The following KMT2E variants were observed in gnomAD, a reference collection of about 807,000 sequenced individuals.
The protein encoded by KMT2E is histone reader KMT2E.
In KMT2E, 30 loss-of-function variants were observed where a neutral mutation model predicts 184.6. The observed-to-expected ratio is 0.16, with a 90% confidence interval of 0.12 to 0.22. KMT2E has a LOEUF of 0.22. Ranked by LOEUF, KMT2E falls within the 10% of genes least tolerant of loss-of-function variation. The probability of loss-of-function intolerance (pLI) is 1.00; values close to 1 mark genes in which losing one functional copy is unlikely to be tolerated. For synonymous variants in KMT2E, 815 were observed against 776.5 expected (o/e 1.05, Z -0.82); for missense variants, 2,023 against 2,237.4 (o/e 0.90, Z 1.93).
intron 1 of KMT2E, among the ~76,000 whole-genome samples, chr7:105,033,247 T>C (rs890325646): frequency 2.0e-5 from 3 of 152,252 alleles, no homozygotes; most frequent in East Asian, 3.8e-4. Context: ...TAATATTTCA[T>C]GTGTAGGCAA....
intron 13 of KMT2E, among the ~76,000 whole-genome samples, chr7:105,085,206 G>A (rs1475088137): frequency 1.3e-5 from 2 of 152,108 alleles, no homozygotes; most frequent in South Asian, 2.1e-4. Context: ...TCAGCAGTAT[G>A]GAAACTTGTT....
chr7:105,101,303 A>G (rs901519504), intron 15 of KMT2E, 122 bp from the exon 16 acceptor site: 12 of 596,790 alleles, frequency 2.0e-5, no homozygotes, highest in Non-Finnish European at 5.3e-6. Flanking sequence ...TCCACCAATA[A>G]TAGAAGTAGT....
intron 1 of KMT2E, among the ~76,000 whole-genome samples, chr7:105,029,986 G>A (rs740298): frequency 0.18 from 27,089 of 152,072 alleles, 3,088 homozygotes; most frequent in East Asian, 0.58. Context: ...ATTTAGGTGG[G>A]TATCCTAGCC....
chr7:105,079,109 A>C, intron 12 of KMT2E, 146 bp downstream of exon 12: 1 of 497,470 alleles, frequency 2.0e-6, no homozygotes, highest in Non-Finnish European at 3.6e-6. Context: ...TTTTTGTGAA[A>C]ATTTATGTGA....
chr7:105,065,854 T>C (rs559859447), intron 5 of KMT2E, among the ~76,000 whole-genome samples: 2 of 152,248 alleles, frequency 1.3e-5, no homozygotes, highest in African/African-American at 4.8e-5. Flanking sequence ...AACTAAGACT[T>C]TTTGGAGTCA....
At chr7:105,038,013 T>C (rs1388401357) in intron 1 of KMT2E, 113 bp from the exon 2 acceptor site, 1 of 152,206 alleles carries the variant, frequency 6.6e-6, no homozygotes, top group South Asian at 2.1e-4. Flanking sequence ...CTTTTAAGAA[T>C]TGGCTGCTTT....
chr7:105,037,603 T>C (rs1361222179), intron 1 of KMT2E, among the ~76,000 whole-genome samples: 1 of 152,180 alleles, frequency 6.6e-6, no homozygotes. Flanking sequence ...GCTCAAGTAG[T>C]CTGCCTGCCT....
At chr7:105,021,697 A>G (rs1794962120) in intron 1 of KMT2E, among the ~76,000 whole-genome samples, 1 of 1,926 alleles carries the variant, frequency 5.2e-4, no homozygotes, top group Non-Finnish European at 9.3e-4. Context: ...GGCGTTTCTC[A>G]GAGTAAAGCA....
chr7:105,031,257 T>C (rs1436751567), intron 1 of KMT2E, among the ~76,000 whole-genome samples: 4 of 149,118 alleles, frequency 2.7e-5, no homozygotes, highest in African/African-American at 1.0e-4. Flanking sequence ...CTTGGGAGAC[T>C]GAGGCAGGAC....
At position 105,041,042 on chromosome 7, in the gene KMT2E, TA is replaced by T. The variant is rs1257399607; in HGVS notation, c.71+20del. On this transcript the variant is annotated intron_variant, in intron 3 of 26. Coordinates refer to ENST00000311117, the MANE Select transcript of KMT2E (RefSeq NM_182931.3). ...GTTCAGAGTAAGTATTTAAATTGGT[TA>T]CATAAGCAAAAAAAAAAAAAAAACC... is the stretch of plus-strand genomic sequence containing the variant. 9 of 1,089,368 alleles carry T rather than the reference TA, an allele frequency of 8.3e-6. No individual in the cohort carries two copies. The African/African-American group carries it at 2.4e-4, about 30-fold the overall frequency. The allele number at this position is 1,089,368 out of a possible 1,614,324, so 67.5% of individuals were successfully genotyped here.
At chr7:105,040,407 A>G (rs1210082830) in intron 2 of KMT2E, among the ~76,000 whole-genome samples, 4 of 152,150 alleles carry the variant, frequency 2.6e-5, no homozygotes, top group African/African-American at 9.7e-5. Context: ...GGAGATACCT[A>G]CCTTAGAATT....
intron 3 of KMT2E, among the ~76,000 whole-genome samples, chr7:105,053,686 C>A (rs868345711): frequency 6.6e-6 from 1 of 152,008 alleles, no homozygotes; most frequent in Non-Finnish European, 1.5e-5. Context: ...CTAGCCTGGG[C>A]AACATAGTGA....
intron 7 of KMT2E, 43 bp downstream of exon 7, chr7:105,073,720 G>A (rs1400846616): frequency 8.3e-7 from 1 of 1,201,158 alleles, no homozygotes; most frequent in Non-Finnish European, 1.2e-6. Context: ...TCGTGTGATT[G>A]AGAGAATAAA....
At chr7:105,053,009 C>T (rs1796409736) in intron 3 of KMT2E, among the ~76,000 whole-genome samples, 1 of 152,240 alleles carries the variant, frequency 6.6e-6, no homozygotes, top group Middle Eastern at 3.4e-3. Flanking sequence ...TATTTTATAG[C>T]CTCTTCATTG....
In KMT2E at chr7:105,106,791, GA is replaced by G. The variant is rs748982485; in HGVS notation, c.2847+28del. The G allele has an allele frequency of 5.7e-6, 9 of 1,587,378 alleles. No homozygotes were observed. The Admixed American group carries it at 7.1e-5, about 13-fold the overall frequency. ...CTTTGAGGTGAGAAATTTTAATGGA[GA>G]AAAAAAAATTCAACACTTGGGGGGA... On this transcript the variant is annotated intron_variant, in intron 20 of 26. Coordinates refer to ENST00000311117, the MANE Select transcript of KMT2E (RefSeq NM_182931.3).
At chr7:105,097,320 G>C (rs371337967) in intron 15 of KMT2E, among the ~76,000 whole-genome samples, 59 of 152,230 alleles carry the variant, frequency 3.9e-4, no homozygotes, top group East Asian at 1.7e-3. Flanking sequence ...TAGAGACTGG[G>C]AATTTTATTT....
chr7:105,026,830 G>A (rs963273071), intron 1 of KMT2E, among the ~76,000 whole-genome samples: 4 of 152,152 alleles, frequency 2.6e-5, no homozygotes, highest in Admixed American at 6.6e-5. Context: ...GAAGTTATAT[G>A]TCAAAGGAGA....
chr7:105,112,227 C>A lies in KMT2E; in HGVS notation c.4471C>A (p.Pro1491Thr). The A allele has an allele frequency of 6.2e-7, 1 of 1,614,176 alleles. No individual in the cohort carries two copies. Among genetic ancestry groups the A allele is most frequent in the Non-Finnish European group, 8.5e-7 (1 of 1,180,026 alleles). Residue 1491 changes from proline (P) to threonine (T), a missense_variant, in exon 27 of 27, where the codon CCT becomes ACT. Transcript: ENST00000311117. ...TTCACAGTCACCTCAAGTTGGAACACCTCAGCGAGAGCCTCAAAGAAACTT... is the reference window on the plus strand; with the variant it reads ...TTCACAGTCACCTCAAGTTGGAACAACTCAGCGAGAGCCTCAAAGAAACTT... ...HHSQSPQVGT[P>T]QREPQRNFYP...
At chr7:105,060,108 G>T (rs1796752193) in intron 3 of KMT2E, among the ~76,000 whole-genome samples, 1 of 142,822 alleles carries the variant, frequency 7.0e-6, no homozygotes, top group South Asian at 2.3e-4. Context: ...TGATTCTCCT[G>T]CCTCAGCCCC....
Sources: allele counts gnomAD v4.1 joint callset (sites outside exome capture counted in the v4.1 genomes callset), GRCh38; gene constraint gnomAD v4.1.1; transcripts MANE v1.5; gene names NCBI Gene and HGNC (gene_info 2026-07-23, HGNC 2026-07-21).